PTPRG: variants seen among roughly 807,000 people sequenced by gnomAD.
The protein encoded by PTPRG is receptor-type tyrosine-protein phosphatase gamma.
PTPRG carries 102 observed loss-of-function variants against 165.3 expected under a neutral mutation model. That is an observed-to-expected ratio of 0.62 (90% CI 0.53 to 0.73). PTPRG has a LOEUF of 0.73. PTPRG is among the 30% of genes least tolerant of loss of function. PTPRG has a pLI of 0.00. For missense variants in PTPRG, 1,866 were observed against 1,861.4 expected, an observed-to-expected ratio of 1.00 and a Z score of -0.05; for synonymous variants, 675 against 669.5, an observed-to-expected ratio of 1.01 and a Z score of -0.13.
chr3:62,287,157 G>GAT (rs1702695249), intron 28 of PTPRG, among the ~76,000 whole-genome samples: 1 of 152,166 alleles, frequency 6.6e-6, no homozygotes, highest in Non-Finnish European at 1.5e-5. Flanking sequence ...GCTGGCCACA[G>GAT]ATAGCTTTGA....
At chr3:61,685,601 A>G (rs1467907308) in intron 1 of PTPRG, among the ~76,000 whole-genome samples, 2 of 152,210 alleles carry the variant, frequency 1.3e-5, no homozygotes, top group Non-Finnish European at 2.9e-5. Flanking sequence ...TTGCCTTGAC[A>G]CAAAAGCTGC....
At chr3:61,696,442 C>T (rs181932133) in intron 1 of PTPRG, among the ~76,000 whole-genome samples, 1 of 152,286 alleles carries the variant, frequency 6.6e-6, no homozygotes, top group East Asian at 1.9e-4. Context: ...GCGAAGGTTG[C>T]ATTGAGCTGA....
At chr3:61,753,627 C>G in intron 2 of PTPRG, 1 of 406,142 alleles carries the variant, frequency 2.5e-6, no homozygotes, top group South Asian at 1.7e-5. Flanking sequence ...CTCTTTCACC[C>G]AGGCTGGAGT....
chr3:61,643,551 G>A lies in PTPRG; in HGVS notation c.85+81179G>A, dbSNP rs558870009. Among the ~76,000 whole-genome samples, 17 of 152,152 alleles carry A rather than the reference G, an allele frequency of 1.1e-4. 1 individual carries two copies. Among genetic ancestry groups the A allele is most frequent in the South Asian group, 2.1e-4 (1 of 4,820 alleles). On this transcript the variant is annotated intron_variant, in intron 1 of 29. Transcript: ENST00000474889. The stretch of plus-strand genomic sequence containing the variant: ...TGCCAGCACTTTGGGAGGCCGAGGC[G>A]GTGAATCACTTGAGGTCAGGAGTTC...
In PTPRG at chr3:62,214,208, C is replaced by T. The variant is rs1317982796; in HGVS notation, c.2156-4643C>T. Reference sequence around the variant, plus strand: ...AGATGTTACAGAGAGGAGTCAGATTCAGCAAACACCCGGTGAGTGCTCACC... The same window carrying T: ...AGATGTTACAGAGAGGAGTCAGATTTAGCAAACACCCGGTGAGTGCTCACC... On this transcript the variant is annotated intron_variant, in intron 12 of 29. Transcript: ENST00000474889. The surrounding 1 kb of genome is among the most constrained non-coding windows in gnomAD (Gnocchi z 5.2). Among the ~76,000 whole-genome samples the T allele has an allele frequency of 6.6e-6, 1 of 152,180 alleles. No homozygotes were observed. The highest frequency in any genetic ancestry group is 2.4e-5 in the African/African-American group (1 of 41,446).
intron 2 of PTPRG, among the ~76,000 whole-genome samples, chr3:61,887,161 TATATATATA>T (rs1575754375): frequency 7.5e-5 from 7 of 92,744 alleles, no homozygotes; most frequent in East Asian, 5.8e-4. Flanking sequence ...TATATATATA[TATATATATA>T]TTTTTAATGC....
intron 2 of PTPRG, among the ~76,000 whole-genome samples, chr3:61,949,676 C>A (rs972547187): frequency 1.3e-5 from 2 of 151,866 alleles, no homozygotes; most frequent in Non-Finnish European, 2.9e-5. Context: ...ACATTTTTTC[C>A]CCTTCCTAAG....
At chr3:62,170,024 C>T (rs1167224977) in intron 8 of PTPRG, among the ~76,000 whole-genome samples, 2 of 152,118 alleles carry the variant, frequency 1.3e-5, no homozygotes, top group Non-Finnish European at 2.9e-5. Flanking sequence ...TGATCATTTC[C>T]TTCCTGTCTG....
chr3:61,929,663 A>G (rs2039310637), intron 2 of PTPRG, among the ~76,000 whole-genome samples: 2 of 152,344 alleles, frequency 1.3e-5, no homozygotes, highest in Admixed American at 6.5e-5. Context: ...TTGAAAAATG[A>G]GCACAGGTTG....
At chr3:62,166,464 G>A (rs1160360316) in intron 7 of PTPRG, among the ~76,000 whole-genome samples, 4 of 151,190 alleles carry the variant, frequency 2.6e-5, no homozygotes, top group Non-Finnish European at 5.9e-5. Context: ...AGCCTCCCGA[G>A]TAGCTGGAAT....
chr3:61,932,768 A>G (rs1432686310), intron 2 of PTPRG, among the ~76,000 whole-genome samples: 3 of 152,158 alleles, frequency 2.0e-5, no homozygotes. Context: ...CTTGGTCAGA[A>G]ACAATTCAGT....
intron 4 of PTPRG, among the ~76,000 whole-genome samples, chr3:62,068,358 C>T (rs931339977): frequency 6.6e-6 from 1 of 152,116 alleles, no homozygotes; most frequent in Non-Finnish European, 1.5e-5. Context: ...GTCACTGGAA[C>T]TTGCTCCGTC....
At chr3:62,216,793 G>A (rs73840284) in intron 12 of PTPRG, among the ~76,000 whole-genome samples, 1 of 152,262 alleles carries the variant, frequency 6.6e-6, no homozygotes, top group African/African-American at 2.4e-5. Context: ...GGCTTCATCT[G>A]CCTTCCAATT....
At chr3:61,644,005 A>G (rs1702133558) in intron 1 of PTPRG, among the ~76,000 whole-genome samples, 1 of 152,188 alleles carries the variant, frequency 6.6e-6, no homozygotes, top group South Asian at 2.1e-4. Flanking sequence ...TTATGTACAC[A>G]GCCCCTACCC....
At chr3:61,805,516 GA>G (rs1383513205) in intron 2 of PTPRG, among the ~76,000 whole-genome samples, 1 of 83,236 alleles carries the variant, frequency 1.2e-5, no homozygotes, top group African/African-American at 5.4e-5. Context: ...TACTCTTCCC[GA>G]AAATGGGAAA....
intron 2 of PTPRG, among the ~76,000 whole-genome samples, chr3:61,942,924 C>A (rs931328129): frequency 3.9e-4 from 60 of 152,278 alleles, no homozygotes; most frequent in Admixed American, 7.8e-4. Context: ...GTATTGTATG[C>A]CAGTAGGAAG....
chr3:62,067,850 C>G (rs1169177367), intron 4 of PTPRG, among the ~76,000 whole-genome samples: 1 of 152,140 alleles, frequency 6.6e-6, no homozygotes, highest in South Asian at 2.1e-4. Context: ...TGCCTATCAC[C>G]CCCTCAAAGA....
intron 3 of PTPRG, among the ~76,000 whole-genome samples, chr3:61,991,878 A>T (rs17065637): frequency 0.05 from 7,630 of 152,274 alleles, 395 homozygotes; most frequent in East Asian, 0.13. Context: ...TTTTAGACGT[A>T]TGTAGGGTTC....
chr3:61,780,708 C>T (rs1330691889), intron 2 of PTPRG, among the ~76,000 whole-genome samples: 1 of 152,178 alleles, frequency 6.6e-6, no homozygotes, highest in Non-Finnish European at 1.5e-5. Context: ...ATCTGCCACA[C>T]CCCATGAGAC....
Sources: allele counts gnomAD v4.1 joint callset (sites outside exome capture counted in the v4.1 genomes callset), GRCh38; gene constraint gnomAD v4.1.1; non-coding constraint Gnocchi (gnomAD v3.1); transcripts MANE v1.5; gene names NCBI Gene and HGNC (gene_info 2026-07-23, HGNC 2026-07-21).